The following HVCN1 variants were observed in gnomAD, a reference collection of about 807,000 sequenced individuals.
HVCN1 encodes the protein hydrogen voltage gated channel 1.
A neutral mutation model predicts 29.2 loss-of-function variants in HVCN1; 14 were observed. That is an observed-to-expected ratio of 0.48 (90% CI 0.32 to 0.75). The LOEUF is 0.75. Among genes scored for constraint, HVCN1 ranks in the 30% least tolerant of loss-of-function variants. HVCN1 has a pLI of 0.04. For missense variants in HVCN1, 263 were observed against 341.8 expected (o/e 0.77, Z 1.82); for synonymous variants, 131 against 133.2 (o/e 0.98, Z 0.11).
intron 4 of HVCN1, among the ~76,000 whole-genome samples, chr12:110,657,262 G>T (rs555030791): frequency 2.0e-3 from 298 of 152,322 alleles, no homozygotes; most frequent in African/African-American, 6.6e-3. Flanking sequence ...GGGAGGCAGA[G>T]GCGGGCAGAT....
intron 4 of HVCN1, among the ~76,000 whole-genome samples, chr12:110,660,605 G>C (rs2068137152): frequency 6.6e-6 from 1 of 152,176 alleles, no homozygotes. Flanking sequence ...CCATTTTAAA[G>C]TTGGCGTAAA....
intron 5 of HVCN1, among the ~76,000 whole-genome samples, chr12:110,653,190 T>G (rs1035410493): frequency 6.6e-6 from 1 of 152,204 alleles, no homozygotes; most frequent in Non-Finnish European, 1.5e-5. Context: ...CCGGGTGCAG[T>G]GGCTCACACC....
rs2068174192 is a variant in HVCN1, at chr12:110,661,580, T to C, written c.22-132A>G. 1.3e-6 allele frequency: 1 copy of C among 763,350 alleles called. No individual in the cohort carries two copies. The highest frequency in any genetic ancestry group is 1.8e-5 in the African/African-American group (1 of 57,128). The allele number at this position is 763,350 out of a possible 1,614,324, so 47.3% of individuals were successfully genotyped here. On this transcript the variant is annotated intron_variant, in intron 3 of 7. Coordinates refer to ENST00000242607, the MANE Select transcript of HVCN1 (RefSeq NM_032369.4). This position sits in a 1 kb window ranked among gnomAD's most constrained non-coding sequence, Gnocchi z 6.2. ...TAGAACCCCCTGCAAGCAGAGACCA[T>C]GAGGTCACGGTGGTTTCTCGTGCTT...
intron 6 of HVCN1, among the ~76,000 whole-genome samples, chr12:110,650,695 GT>G (rs63680261): frequency 0.38 from 48,536 of 129,120 alleles, 8,089 homozygotes; most frequent in African/African-American, 0.58. Flanking sequence ...CAAGAGTCCA[GT>G]TTTTTTTTTT....
intron 1 of HVCN1, 98 bp downstream of exon 1, chr12:110,688,982 G>T (rs1482034416): frequency 6.6e-6 from 1 of 152,590 alleles, no homozygotes; most frequent in Non-Finnish European, 1.5e-5. Context: ...AGATGCGGGG[G>T]GGGGTCCCCT....
intron 5 of HVCN1, among the ~76,000 whole-genome samples, chr12:110,653,741 T>C (rs1299414991): frequency 6.6e-6 from 1 of 151,782 alleles, no homozygotes; most frequent in East Asian, 1.9e-4. Context: ...ACTCTGGAGC[T>C]GGAGGCAGGA....
rs745980562 is a variant in HVCN1 at position 110,649,171 on chromosome 12, G to GTCCAGCT, written c.*238_*239insAGCTGGA. 1 of 680,744 alleles carries GTCCAGCT rather than the reference G, an allele frequency of 1.5e-6. No individual in the cohort carries two copies. The highest frequency in any genetic ancestry group is 1.6e-5 in the South Asian group (1 of 62,962). 42.2% of individuals were successfully genotyped at this position (680,744 alleles called of 1,614,324 possible). A position where few individuals can be genotyped will look rare whatever the true frequency, so the allele number is the denominator to read the frequency against. The stretch of plus-strand genomic sequence containing the variant: ...GCTCATTTTCAATTAAGGCTAAAGT[G>GTCCAGCT]TTCAACATGAGAAAATGTGATACAT... On this transcript the variant is annotated 3_prime_UTR_variant, in exon 8 of 8. Coordinates refer to ENST00000242607, the MANE Select transcript of HVCN1 (RefSeq NM_032369.4).
intron 2 of HVCN1, among the ~76,000 whole-genome samples, chr12:110,699,816 A>G (rs1444936988): frequency 6.6e-6 from 1 of 152,174 alleles, no homozygotes; most frequent in South Asian, 2.1e-4. Context: ...TGTTCTGCGC[A>G]GTAGAAAGTC....
At position 110,658,735 on chromosome 12, in the gene HVCN1, T is replaced by C. The variant is rs2068068950; in HGVS notation, c.306+2429A>G. ...TGTGTCTCAGTGATGGCTCCCGTCA[T>C]TCCTGCCTTTCTGCAGCCTGCCAAA... On this transcript the variant is annotated intron_variant, in intron 4 of 7. Coordinates refer to ENST00000242607, the MANE Select transcript of HVCN1 (RefSeq NM_032369.4). This position sits in a 1 kb window ranked among gnomAD's most constrained non-coding sequence, Gnocchi z 5.0. Among the ~76,000 whole-genome samples the C allele has an allele frequency of 6.6e-6, 1 of 152,226 alleles. No homozygotes were observed. The highest frequency in any genetic ancestry group is 2.1e-4 in the South Asian group (1 of 4,830).
intron 4 of HVCN1, among the ~76,000 whole-genome samples, chr12:110,657,292 G>A (rs1405982132): frequency 1.3e-5 from 2 of 152,066 alleles, no homozygotes; most frequent in Admixed American, 1.3e-4. Flanking sequence ...TCAGGAGTTC[G>A]AGACCAGCCT....
At chr12:110,693,473 G>T (rs2069444527), upstream of HVCN1, among the ~76,000 whole-genome samples, 1 of 152,054 alleles carries the variant, frequency 6.6e-6, no homozygotes, top group Admixed American at 6.5e-5. Flanking sequence ...GAACCCGGGA[G>T]GTGGAGGTTG....
Position 110,655,679 on chromosome 12 carries a change from C to A in HVCN1, c.307-341G>T, listed in dbSNP as rs183757152. Among the ~76,000 whole-genome samples the A allele has an allele frequency of 6.8e-3, 1,032 of 151,866 alleles. 1 individual carries two copies. The highest frequency in any genetic ancestry group is 9.3e-3 in the Non-Finnish European group (635 of 67,976). On this transcript the variant is annotated intron_variant, in intron 4 of 7. Transcript: ENST00000242607. The stretch of plus-strand genomic sequence containing the variant: ...ATACCACCTCTCAAACCAAACTGCC[C>A]ATACCTAGATGGCAACAAATAATCA...
chr12:110,685,423 C>T (rs1377278232), intron 2 of HVCN1, among the ~76,000 whole-genome samples: 1 of 152,190 alleles, frequency 6.6e-6, no homozygotes, highest in African/African-American at 2.4e-5. Flanking sequence ...ACTTCCAGAA[C>T]TGTAGCATAA....
At chr12:110,690,667 G>A (rs779294167), upstream of HVCN1, among the ~76,000 whole-genome samples, 1 of 151,958 alleles carries the variant, frequency 6.6e-6, no homozygotes, top group Admixed American at 6.6e-5. Flanking sequence ...TAGTAGAGAC[G>A]GGGTTTTACC....
chr12:110,696,107 C>T lies in HVCN1; in HGVS notation c.-104+6202G>A, dbSNP rs562874957. ...AGCTGGGATTACAGGAGCCCGCCAC[C>T]ATGCTCAGCTAATTTTTTTTTTTTT... On this transcript the variant is annotated intron_variant, in intron 2 of 4. Coordinates refer to the HVCN1 transcript ENST00000546713. Among the ~76,000 whole-genome samples the T allele has an allele frequency of 2.0e-3, 309 of 151,996 alleles. 1 individual carries two copies. Among genetic ancestry groups the T allele is most frequent in the Non-Finnish European group, 3.0e-3 (207 of 67,986 alleles).
intron 2 of HVCN1, among the ~76,000 whole-genome samples, chr12:110,697,452 A>G (rs1480988596): frequency 1.3e-5 from 2 of 152,114 alleles, no homozygotes; most frequent in African/African-American, 2.4e-5. Flanking sequence ...GTGGTGTCAG[A>G]TGGAAACTGA....
chr12:110,687,259 C>CG (rs1555238933), intron 2 of HVCN1, among the ~76,000 whole-genome samples: 2 of 105,276 alleles, frequency 1.9e-5, no homozygotes, highest in African/African-American at 4.2e-5. Context: ...CAGACCACAC[C>CG]CCCCCCCCCC....
intron 2 of HVCN1, among the ~76,000 whole-genome samples, chr12:110,684,597 G>C (rs533685130): frequency 7.9e-5 from 12 of 152,172 alleles, no homozygotes; most frequent in Non-Finnish European, 1.8e-4. Flanking sequence ...AAATACAGAT[G>C]CTTTTTTTTG....
At chr12:110,650,108 G>A in intron 7 of HVCN1, 60 bp downstream of exon 7, 4 of 1,173,558 alleles carry the variant, frequency 3.4e-6, no homozygotes, top group African/African-American at 3.0e-5. Context: ...GCCTCCCAAA[G>A]TGCTAGGATT....
Sources: gnomAD v4.1 joint callset for allele counts (sites outside exome capture counted in the v4.1 genomes callset) on GRCh38, gnomAD v4.1.1 for gene constraint, Gnocchi (gnomAD v3.1) non-coding constraint, MANE v1.5 for transcripts, NCBI Gene and HGNC (gene_info 2026-07-23, HGNC 2026-07-21) for gene names.